SLC9A2: variants seen among roughly 807,000 people sequenced by gnomAD.
The protein encoded by SLC9A2 is solute carrier family 9 member A2.
A neutral mutation model predicts 71.7 loss-of-function variants in SLC9A2; 42 were observed. The ratio of observed to expected loss-of-function variants is 0.59; its 90% CI spans 0.46 to 0.76. The LOEUF is 0.76. SLC9A2 is among the 30% of genes least tolerant of loss of function. The probability of loss-of-function intolerance (pLI) is 0.00; values close to 1 mark genes in which losing one functional copy is unlikely to be tolerated. For synonymous variants in SLC9A2, 396 were observed against 392.5 expected (o/e 1.01, Z -0.10); for missense variants, 829 against 1,017.4 (o/e 0.81, Z 2.52).
chr2:102,695,188 T>C (rs1677733200), intron 7 of SLC9A2, 75 bp downstream of exon 7: 2 of 1,036,380 alleles, frequency 1.9e-6, no homozygotes, highest in Admixed American at 1.9e-5. Context: ...TGATTTGTAT[T>C]ATTTTTTAAT....
In SLC9A2 at chr2:102,619,886, C is replaced by T; in HGVS notation, c.38C>T (p.Pro13Leu). ...PLGNWRSLRA[P>L]LPPMLLLLLL... ...GGCAACTGGAGGAGCCTGCGGGCGC[C>T]ACTGCCTCCGATGCTGTTGCTGCTG... Residue 13 changes from proline (P) to leucine (L), a missense_variant, in exon 1 of 12, where the codon CCA becomes CTA. By Grantham distance (98) the Pro-to-Leu change is moderately conservative (BLOSUM62 -3). This residue lies in a region of SLC9A2 where 106 missense variants were observed against 93.5 expected (regional missense o/e 1.13). Transcript: ENST00000233969. This position sits in a 1 kb window ranked among gnomAD's most constrained non-coding sequence, Gnocchi z 4.3. 2.5e-6 allele frequency: 4 copies of T among 1,568,794 alleles called. No individual in the cohort carries two copies. The highest frequency in any genetic ancestry group is 3.5e-6 in the Non-Finnish European group (4 of 1,155,352).
intron 1 of SLC9A2, among the ~76,000 whole-genome samples, chr2:102,623,612 A>G (rs1407149546): frequency 2.0e-5 from 3 of 152,200 alleles, no homozygotes; most frequent in African/African-American, 7.2e-5. Context: ...GTGGTGGCTT[A>G]TATGACTTAA....
At chr2:102,705,084 T>C (rs879659930) in intron 10 of SLC9A2, among the ~76,000 whole-genome samples, 14 of 152,026 alleles carry the variant, frequency 9.2e-5, no homozygotes, top group Non-Finnish European at 1.9e-4. Context: ...CGTGCGCTTG[T>C]AATCCCAGCT....
At position 102,709,078 on chromosome 2, in the gene SLC9A2, C is replaced by G. The variant is rs1483007365; in HGVS notation, c.*589C>G. 1 of 153,212 alleles carries G rather than the reference C, an allele frequency of 6.5e-6. No individual in the cohort carries two copies. Among genetic ancestry groups the G allele is most frequent in the Non-Finnish European group, 1.5e-5 (1 of 68,734 alleles). 9.5% of individuals were successfully genotyped at this position (153,212 alleles called of 1,614,324 possible). A position where few individuals can be genotyped will look rare whatever the true frequency, so the allele number is the denominator to read the frequency against. ...CTGGGCAAACAATCGGAACGTCATG[C>G]AGAAGGAATGGCCTGACTCCTGCAG... is the stretch of plus-strand genomic sequence containing the variant. On this transcript the variant is annotated 3_prime_UTR_variant, in exon 12 of 12. Transcript: ENST00000233969.
chr2:102,658,417 C>G (rs1676987060), intron 2 of SLC9A2, among the ~76,000 whole-genome samples: 1 of 151,810 alleles, frequency 6.6e-6, no homozygotes. Flanking sequence ...AACTTAAAAG[C>G]CTTCAGATCC....
intron 2 of SLC9A2, among the ~76,000 whole-genome samples, chr2:102,663,661 A>C (rs962221136): frequency 2.0e-5 from 3 of 152,200 alleles, no homozygotes; most frequent in African/African-American, 4.8e-5. Flanking sequence ...GACCTTGAAC[A>C]AATGGGATCA....
chr2:102,620,195 G>A (rs1676108231), intron 1 of SLC9A2, 58 bp downstream of exon 1: 1 of 1,477,014 alleles, frequency 6.8e-7, no homozygotes, highest in Non-Finnish European at 9.2e-7. Context: ...GACACCTGGA[G>A]GGTGACCGGG....
intron 1 of SLC9A2, among the ~76,000 whole-genome samples, chr2:102,649,099 C>T (rs144180805): frequency 0.03 from 4,642 of 152,248 alleles, 235 homozygotes; most frequent in African/African-American, 0.11. Context: ...GTGACCAAAA[C>T]AGCATGGTAC....
chr2:102,665,560 G>T (rs2104526012), intron 3 of SLC9A2, among the ~76,000 whole-genome samples: 1 of 152,084 alleles, frequency 6.6e-6, no homozygotes, highest in African/African-American at 2.4e-5. Flanking sequence ...GGATCACAAG[G>T]TCAGGAGATC....
chr2:102,652,789 A>T (rs1676857940), intron 1 of SLC9A2, among the ~76,000 whole-genome samples: 1 of 152,062 alleles, frequency 6.6e-6, no homozygotes. Flanking sequence ...TTTTTCCCCC[A>T]ATAACTGATA....
In SLC9A2 at chr2:102,711,010, A is replaced by C. The variant is rs1156871412; in HGVS notation, c.*2521A>C. On this transcript the variant is annotated 3_prime_UTR_variant, in exon 12 of 12. Coordinates refer to ENST00000233969, the MANE Select transcript of SLC9A2 (RefSeq NM_003048.6). ...AATGAGCAAACTAGAAATTGGCTTC[A>C]AAGTCTAATACTTTTAAAAGCATGT... is the stretch of plus-strand genomic sequence containing the variant. 1 of 152,382 alleles carries C rather than the reference A, an allele frequency of 6.6e-6. No individual in the cohort carries two copies. Among genetic ancestry groups the C allele is most frequent in the Non-Finnish European group, 1.5e-5 (1 of 68,046 alleles). The allele number at this position is 152,382 out of a possible 1,614,324, so 9.4% of individuals were successfully genotyped here. A position where few individuals can be genotyped will look rare whatever the true frequency, so the allele number is the denominator to read the frequency against.
intron 9 of SLC9A2, among the ~76,000 whole-genome samples, chr2:102,703,230 T>G (rs2104555438): frequency 6.6e-6 from 1 of 152,340 alleles, no homozygotes; most frequent in Middle Eastern, 3.4e-3. Context: ...TACCTTTTAA[T>G]TTAAAATGAA....
intron 4 of SLC9A2, 27 bp downstream of exon 4, chr2:102,683,505 A>G (rs768662321): frequency 3.9e-6 from 6 of 1,538,128 alleles, no homozygotes; most frequent in Non-Finnish European, 5.4e-6. Context: ...TGCTAACTGG[A>G]CATATGTAAC....
intron 3 of SLC9A2, among the ~76,000 whole-genome samples, chr2:102,676,150 G>A (rs1379095338): frequency 3.9e-5 from 6 of 152,204 alleles, no homozygotes; most frequent in Non-Finnish European, 5.9e-5. Context: ...TGTGTCTGGT[G>A]CAGGATTGTT....
In SLC9A2 at chr2:102,704,577, G is replaced by A. The variant is rs769804681; in HGVS notation, c.1879G>A (p.Asp627Asn). The A allele has an allele frequency of 3.7e-6, 6 of 1,613,016 alleles. No homozygotes were observed. The highest frequency in any genetic ancestry group is 1.7e-5 in the Admixed American group (1 of 59,974). Residue 627 changes from aspartate to asparagine, a missense_variant, in exon 10 of 12, where the codon GAC (aspartate) becomes AAC (asparagine). Physicochemically the swap from Asp to Asn is conservative, Grantham distance 23. Coordinates refer to ENST00000233969, the MANE Select transcript of SLC9A2 (RefSeq NM_003048.6). ...LSYNRHSLTA[D>N]TSERQAKEIL... ...CTACAACAGACACAGTCTGACAGCC[G>A]ACACAAGTGAGAGACAAGCCAAGGA...
At chr2:102,677,454 A>G (rs774550434) in intron 3 of SLC9A2, among the ~76,000 whole-genome samples, 1 of 152,214 alleles carries the variant, frequency 6.6e-6, no homozygotes, top group Non-Finnish European at 1.5e-5. Context: ...AATTGGTGAT[A>G]ATCACCACAC....
chr2:102,684,040 T>C, intron 4 of SLC9A2, 94 bp from the exon 5 acceptor site: 1 of 882,112 alleles, frequency 1.1e-6, no homozygotes, highest in Admixed American at 2.1e-5. Flanking sequence ...TTAAATCCTT[T>C]GTCCCCATCG....
At chr2:102,679,381 TATA>T (rs1218032783) in intron 3 of SLC9A2, among the ~76,000 whole-genome samples, 1 of 82,562 alleles carries the variant, frequency 1.2e-5, no homozygotes, top group East Asian at 4.3e-4. Flanking sequence ...TATATATATA[TATA>T]ATTTTTTTTT....
chr2:102,646,893 T>C (rs1309103972), intron 1 of SLC9A2, among the ~76,000 whole-genome samples: 2 of 151,550 alleles, frequency 1.3e-5, no homozygotes, highest in African/African-American at 2.4e-5. Flanking sequence ...ATACTGTATA[T>C]TAGACAGATC....
Sources: allele counts gnomAD v4.1 joint callset (sites outside exome capture counted in the v4.1 genomes callset), GRCh38; gene constraint gnomAD v4.1.1; regional missense constraint gnomAD v4.1.1; non-coding constraint Gnocchi (gnomAD v3.1); transcripts MANE v1.5; gene names NCBI Gene and HGNC (gene_info 2026-07-23, HGNC 2026-07-21).